Variants in LONRF3 observed in about 807,000 individuals in gnomAD.
The protein encoded by LONRF3 is LON peptidase N-terminal domain and RING finger protein 3.
A neutral mutation model predicts 51.7 loss-of-function variants in LONRF3; 19 were observed. That is an observed-to-expected ratio of 0.37 (90% CI 0.26 to 0.54). The LOEUF is 0.54. LONRF3 is among the 20% of genes least tolerant of loss of function. The pLI is 0.86. For synonymous variants in LONRF3, 265 were observed against 257.8 expected (o/e 1.03, Z -0.27); for missense variants, 521 against 623.9 (o/e 0.84, Z 1.76).
In LONRF3 at chrX:119,011,884, C is replaced by T. The variant is rs1442463352; in HGVS notation, c.1722C>T (p.Ile574=). The T allele has an allele frequency of 1.7e-6, 2 of 1,211,795 alleles. No individual in the cohort carries two copies. ...AYPTVPCPLH[I]FEPCYRLMIR... is the part of the protein sequence containing the mutation. ...CCACCGTTCCTTGTCCCCTGCACATCTTTGAGCCTTGTTACCGCCTGATGA... is the reference window on the plus strand; with the variant it reads ...CCACCGTTCCTTGTCCCCTGCACATTTTTGAGCCTTGTTACCGCCTGATGA... Residue 574 remains isoleucine (I), a synonymous_variant, in exon 8 of 11, where the codon ATC becomes ATT. Transcript: ENST00000371628.
At chrX:119,011,193 T>C (rs1194130903) in intron 7 of LONRF3, among the ~76,000 whole-genome samples, 3 of 110,476 alleles carry the variant, frequency 2.7e-5, no homozygotes, top group Non-Finnish European at 5.7e-5. Context: ...GGTAATGTGG[T>C]GTCCAAGTCA....
At chrX:118,978,174 G>A (rs766843165) in intron 1 of LONRF3, among the ~76,000 whole-genome samples, 171 bp from the exon 2 acceptor site, 10 of 111,205 alleles carry the variant, frequency 9.0e-5, no homozygotes, top group African/African-American at 3.3e-4. Flanking sequence ...GTGGCTGGGG[G>A]TATAGAAGGC....
chrX:119,003,097 T>C (rs978952209), intron 5 of LONRF3, among the ~76,000 whole-genome samples: 12 of 112,170 alleles, frequency 1.1e-4, no homozygotes, highest in Admixed American at 6.6e-4. Flanking sequence ...CTCTTCATTT[T>C]AATACAGTCA....
rs1434037276 is a variant in LONRF3 at position 118,975,122 on chromosome X, A to G, written c.342A>G (p.Lys114=). The G allele has an allele frequency of 1.7e-6, 2 of 1,169,619 alleles. No individual in the cohort carries two copies. Among genetic ancestry groups the G allele is most frequent in the South Asian group, 1.9e-5 (1 of 52,983 alleles). The change falls in exon 1 of 11, where the codon AAA becomes AAG. Residue 114 remains lysine (K), a synonymous_variant. Coordinates refer to ENST00000371628, the MANE Select transcript of LONRF3 (RefSeq NM_001031855.3). ...LEQLVRCLAE[K]VPQGEALAPA... Reference sequence around the variant, plus strand: ...AGCTGGTGCGCTGCCTGGCGGAGAAAGTCCCGCAAGGCGAGGCGCTGGCGC... The same window carrying G: ...AGCTGGTGCGCTGCCTGGCGGAGAAGGTCCCGCAAGGCGAGGCGCTGGCGC...
chrX:119,007,004 A>T (rs1053590484), intron 6 of LONRF3, among the ~76,000 whole-genome samples: 1 of 111,080 alleles, frequency 9.0e-6, no homozygotes, highest in Non-Finnish European at 1.9e-5. Flanking sequence ...GATTACAGGC[A>T]TGAGCCACCA....
At chrX:118,988,924 ACCTGTGCCAAAGC>A (rs1294397596) in intron 3 of LONRF3, among the ~76,000 whole-genome samples, 1 of 109,571 alleles carries the variant, frequency 9.1e-6, no homozygotes, top group East Asian at 2.9e-4. Flanking sequence ...CTGTGAACAG[ACCTGTGCCAAAGC>A]CCTACCAAAA....
intron 2 of LONRF3, among the ~76,000 whole-genome samples, chrX:118,978,932 C>T (rs909992671): frequency 1.1e-4 from 12 of 108,937 alleles, no homozygotes; most frequent in East Asian, 2.9e-4. Flanking sequence ...ACTATATAAA[C>T]GTTCTCTTTC....
intron 1 of LONRF3, among the ~76,000 whole-genome samples, chrX:118,977,708 C>T (rs1312108288): frequency 8.9e-6 from 1 of 112,280 alleles, no homozygotes; most frequent in Non-Finnish European, 1.9e-5. Context: ...CCAGCTCTGA[C>T]ATCTAGTAAT....
chrX:119,012,109 T>A, intron 8 of LONRF3, 136 bp downstream of exon 8: 1 of 596,530 alleles, frequency 1.7e-6, no homozygotes. Flanking sequence ...TTTGTAAGGA[T>A]CATTGTCCCT....
intron 2 of LONRF3, among the ~76,000 whole-genome samples, chrX:118,978,833 G>C (rs1340762664): frequency 9.0e-6 from 1 of 110,907 alleles, no homozygotes; most frequent in Non-Finnish European, 1.9e-5. Context: ...TTAAATGGGG[G>C]ATATTCAAAG....
At chrX:119,015,768 T>C in intron 10 of LONRF3, among the ~76,000 whole-genome samples, 1 of 112,295 alleles carries the variant, frequency 8.9e-6, no homozygotes, top group East Asian at 2.8e-4. Flanking sequence ...CTTAGTTCTG[T>C]TATTATGTTG....
intron 6 of LONRF3, among the ~76,000 whole-genome samples, chrX:119,007,730 C>T (rs1924829946): frequency 9.0e-6 from 1 of 111,427 alleles, no homozygotes; most frequent in South Asian, 3.8e-4. Flanking sequence ...TGAGGGTATG[C>T]GTTGGGATTG....
At chrX:118,988,462 A>G (rs1394857289) in intron 3 of LONRF3, among the ~76,000 whole-genome samples, 4 of 111,675 alleles carry the variant, frequency 3.6e-5, no homozygotes, top group Non-Finnish European at 5.6e-5. Context: ...AGGTTGTAGT[A>G]TTGCTGTAGT....
At chrX:118,977,036 A>T (rs889437845) in intron 1 of LONRF3, 1 of 112,436 alleles carries the variant, frequency 8.9e-6, no homozygotes, top group Admixed American at 9.3e-5. Context: ...TCTGTGCACA[A>T]GCAAGGCAGA....
rs192744993 is a variant in LONRF3, at chrX:118,993,867, T to C, written c.1415+3307T>C. ...AAAGCTAGAAGGGACTGGGGACCTA[T>C]CTTCAGCCTCCTCAAGCAAAACAAT... On this transcript the variant is annotated intron_variant, in intron 5 of 10. Transcript: ENST00000371628. Among the ~76,000 whole-genome samples the C allele has an allele frequency of 8.0e-5, 9 of 112,324 alleles. No individual in the cohort carries two copies. In the Admixed American group the frequency reaches 8.5e-4, roughly 11 times the overall value.
chrX:119,012,743 A>T, intron 8 of LONRF3: 1 of 405,487 alleles, frequency 2.5e-6, no homozygotes, highest in Non-Finnish European at 4.0e-6. Flanking sequence ...TAATAATGTT[A>T]CAATAGCAAT....
chrX:118,986,852 C>A (rs563663194), intron 3 of LONRF3: 16 of 992,869 alleles, frequency 1.6e-5, no homozygotes, highest in Middle Eastern at 3.2e-4. Context: ...CTCCCTCCCC[C>A]CTTCACCCTC....
At chrX:119,011,653 A>C (rs763247038) in intron 7 of LONRF3, among the ~76,000 whole-genome samples, 162 bp from the exon 8 acceptor site, 1 of 112,083 alleles carries the variant, frequency 8.9e-6, no homozygotes, top group Non-Finnish European at 1.9e-5. Context: ...ATATTTTTCT[A>C]TTAGCCATCA....
chrX:118,986,136 A>T (rs1462614214), intron 3 of LONRF3, among the ~76,000 whole-genome samples: 1 of 109,697 alleles, frequency 9.1e-6, no homozygotes, highest in Non-Finnish European at 1.9e-5. Flanking sequence ...TTGGGGCAAG[A>T]ATGTGGACAG....
Sources: allele counts gnomAD v4.1 joint callset (sites outside exome capture counted in the v4.1 genomes callset), GRCh38; gene constraint gnomAD v4.1.1; transcripts MANE v1.5; gene names NCBI Gene and HGNC (gene_info 2026-07-23, HGNC 2026-07-21).